Variants in DPP6 observed in about 807,000 individuals in gnomAD.
DPP6 encodes the protein dipeptidyl peptidase like 6.
A neutral mutation model predicts 122.6 loss-of-function variants in DPP6; 69 were observed. The observed-to-expected ratio is 0.56, with a 90% CI of 0.46 to 0.69. The LOEUF is 0.69. DPP6 is among the 30% of genes least tolerant of loss of function. DPP6 has a pLI of 0.00. For synonymous variants in DPP6, 418 were observed against 433.1 expected, an observed-to-expected ratio of 0.97 and a Z score of 0.43; for missense variants, 928 against 1,116.9, an observed-to-expected ratio of 0.83 and a Z score of 2.41.
intron 5 of DPP6, among the ~76,000 whole-genome samples, chr7:154,625,693 A>T (rs1267953434): frequency 1.3e-5 from 2 of 152,212 alleles, no homozygotes; most frequent in Non-Finnish European, 2.9e-5. Context: ...GCTGCAAAGA[A>T]GCCCCAAGCT....
chr7:154,684,870 T>G (rs2131185845), intron 7 of DPP6, among the ~76,000 whole-genome samples: 1 of 152,362 alleles, frequency 6.6e-6, no homozygotes, highest in Non-Finnish European at 1.5e-5. Flanking sequence ...CCTGTAAATC[T>G]AATCATCACA....
Position 154,277,705 on chromosome 7 carries a change from C to T in DPP6, c.244-168509C>T, listed in dbSNP as rs552396327. 7.9e-5 allele frequency among the ~76,000 whole-genome samples: 12 copies of T among 152,276 alleles called. No individual in the cohort carries two copies. The South Asian group carries it at 2.1e-3, about 26-fold the overall frequency. On this transcript the variant is annotated intron_variant, in intron 1 of 25. Coordinates refer to ENST00000377770, the MANE Select transcript of DPP6 (RefSeq NM_130797.4). The stretch of plus-strand genomic sequence containing the variant: ...GCTTGAGCCTGGGAGGCAGAGGTTG[C>T]AGTGAGCCAGGATCACAGCACTGTG...
intron 1 of DPP6, among the ~76,000 whole-genome samples, chr7:154,022,429 A>AG (rs1342573688): frequency 6.6e-6 from 1 of 152,232 alleles, no homozygotes; most frequent in Non-Finnish European, 1.5e-5. Flanking sequence ...TAGAAAAAAA[A>AG]GGGGAAGAAA....
intron 4 of DPP6, among the ~76,000 whole-genome samples, chr7:154,549,973 G>A (rs1339419886): frequency 1.3e-5 from 2 of 151,968 alleles, no homozygotes; most frequent in African/African-American, 4.8e-5. Context: ...AATACAAATA[G>A]CTCCTTTATT....
the DPP6 span, among the ~76,000 whole-genome samples, chr7:153,807,329 G>C: frequency 1.3e-5 from 2 of 151,728 alleles, no homozygotes; most frequent in African/African-American, 4.9e-5. Context: ...CTTGAACCAG[G>C]GAGGTGGAGG....
At chr7:154,039,230 G>A (rs936374169) in intron 1 of DPP6, among the ~76,000 whole-genome samples, 4 of 141,838 alleles carry the variant, frequency 2.8e-5, no homozygotes, top group Admixed American at 1.4e-4. Context: ...GGAGGTGCCC[G>A]GTGGATCTCT....
chr7:154,560,579 G>A (rs1037806064), intron 4 of DPP6, among the ~76,000 whole-genome samples: 4 of 152,082 alleles, frequency 2.6e-5, no homozygotes, highest in Admixed American at 2.6e-4. Context: ...TAAAGACATA[G>A]ATTAAAATTA....
At chr7:154,728,956 G>T (rs1489770341) in intron 8 of DPP6, among the ~76,000 whole-genome samples, 1 of 152,144 alleles carries the variant, frequency 6.6e-6, no homozygotes, top group Non-Finnish European at 1.5e-5. Flanking sequence ...CATCACCTTA[G>T]GGATTTGGGT....
At chr7:154,094,671 T>A (rs141593922) in intron 1 of DPP6, 1 of 152,072 alleles carries the variant, frequency 6.6e-6, no homozygotes, top group Non-Finnish European at 1.5e-5. Context: ...ACCAGCACTG[T>A]CCCCATATGG....
intron 1 of DPP6, among the ~76,000 whole-genome samples, chr7:153,907,948 G>A (rs536873381): frequency 1.3e-4 from 20 of 151,862 alleles, no homozygotes; most frequent in African/African-American, 4.3e-4. Context: ...TATCTGGAGG[G>A]CTTTTATGGA....
rs547237811 is a variant in DPP6, at chr7:153,887,406, T to C, written c.-278T>C. On this transcript the variant is annotated 5_prime_UTR_variant, in exon 1 of 26. Transcript: ENST00000404039. ...TCCTCCCTCCCTGGCTCCTGGCTTT[T>C]TGTTTAAAGCAACACCCACCCTCCA... 665 of 335,244 alleles carry C rather than the reference T, an allele frequency of 2.0e-3. 2 individuals carry two copies. Among genetic ancestry groups the C allele is most frequent in the Non-Finnish European group, 3.2e-3 (570 of 180,822 alleles). The allele number at this position is 335,244 out of a possible 1,614,324, so 20.8% of individuals were successfully genotyped here.
In DPP6 at chr7:153,926,116, C is replaced by T. The variant is rs570126632; in HGVS notation, c.51+38382C>T. Among the ~76,000 whole-genome samples the T allele has an allele frequency of 2.0e-5, 3 of 152,304 alleles. No homozygotes were observed. In the East Asian group the frequency reaches 5.8e-4, roughly 29 times the overall value. On this transcript the variant is annotated intron_variant, in intron 1 of 25. Coordinates refer to the DPP6 transcript ENST00000404039. ...CATTCAACAAGAATTGATGGGGCAC[C>T]TGAGTCATTCTTCTAAGGTAGTTGA...
At position 154,535,989 on chromosome 7, in the gene DPP6, C is replaced by T. The variant is rs1264692645; in HGVS notation, c.458-4543C>T. Among the ~76,000 whole-genome samples the T allele has an allele frequency of 3.3e-5, 5 of 152,266 alleles. No individual in the cohort carries two copies. The South Asian group carries it at 1.0e-3, about 32-fold the overall frequency. On this transcript the variant is annotated intron_variant, in intron 3 of 25. Transcript: ENST00000377770. ...AGTTTCCCATAAAGTTAAGTGCAAA[C>T]ATACCATATGACCCAACAATATAAT...
intron 1 of DPP6, among the ~76,000 whole-genome samples, chr7:153,892,393 A>C (rs1799240699): frequency 6.6e-6 from 1 of 151,986 alleles, no homozygotes; most frequent in African/African-American, 2.4e-5. Flanking sequence ...AGCTCACTGC[A>C]GCCTTCACCT....
intron 1 of DPP6, among the ~76,000 whole-genome samples, chr7:153,944,744 C>A (rs773507814): frequency 6.7e-6 from 1 of 149,236 alleles, no homozygotes; most frequent in Non-Finnish European, 1.5e-5. Context: ...AATTCTCCCA[C>A]CTCAACCTCT....
intron 1 of DPP6, among the ~76,000 whole-genome samples, chr7:154,083,440 A>G (rs2150533253): frequency 6.6e-6 from 1 of 151,648 alleles, no homozygotes; most frequent in Admixed American, 6.6e-5. Context: ...CTGAAGGAGA[A>G]TAGCGTTGCC....
intron 1 of DPP6, among the ~76,000 whole-genome samples, chr7:154,020,098 TCACACACACACAAACACA>T (rs1490790085): frequency 1.4e-5 from 2 of 148,050 alleles, no homozygotes; most frequent in Non-Finnish European, 3.0e-5. Context: ...TTCCAGAATT[TCACACACACACAAACACA>T]CACACACACA....
At chr7:154,785,659 C>T (rs1254666989) in intron 10 of DPP6, among the ~76,000 whole-genome samples, 1 of 152,182 alleles carries the variant, frequency 6.6e-6, no homozygotes, top group Non-Finnish European at 1.5e-5. Context: ...TTTACTTTTA[C>T]ATCATTGAGG....
In DPP6 at chr7:154,768,295, T is replaced by C. The variant is rs73167070; in HGVS notation, c.884-1122T>C. 3.0e-3 allele frequency among the ~76,000 whole-genome samples: 452 copies of C among 152,378 alleles called. 1 individual carries two copies. Among genetic ancestry groups the C allele is most frequent in the Non-Finnish European group, 4.5e-3 (307 of 68,042 alleles). On this transcript the variant is annotated intron_variant, in intron 8 of 25. Transcript: ENST00000377770. ...TGGGACTGTGCCCTCCTGTGGGCAG[T>C]CAGCCCTTGGCTTCCTTCCAATTTA...
Sources: allele counts gnomAD v4.1 joint callset (sites outside exome capture counted in the v4.1 genomes callset), GRCh38; gene constraint gnomAD v4.1.1; transcripts MANE v1.5; gene names NCBI Gene and HGNC (gene_info 2026-07-23, HGNC 2026-07-21).